The following USP38 variants were observed in gnomAD, a reference collection of about 807,000 sequenced individuals.
The protein encoded by USP38 is ubiquitin specific peptidase 38, also known as ubiquitin carboxyl-terminal hydrolase 38.
USP38 carries 49 observed loss-of-function variants against 94.3 expected under a neutral mutation model. The observed-to-expected ratio is 0.52, with a 90% CI of 0.41 to 0.66. USP38 has a LOEUF of 0.66. Ranked by LOEUF, USP38 falls within the 30% of genes least tolerant of loss-of-function variation. The probability of loss-of-function intolerance (pLI) is 0.00; values close to 1 mark genes in which losing one functional copy is unlikely to be tolerated. For missense variants in USP38, 1,128 were observed against 1,229.4 expected (o/e 0.92, Z 1.23); for synonymous variants, 468 against 463.6 (o/e 1.01, Z -0.12).
In USP38 at chr4:143,195,697, C is replaced by A. The variant is rs1731525120; in HGVS notation, c.819-19C>A. On this transcript the variant is annotated intron_variant, in intron 2 of 9. Transcript: ENST00000307017. ...AAAATATTTTCAATAATGATTGTTT[C>A]ATTTTCCTTCAATTTCAGAATGATT... The A allele has an allele frequency of 4.5e-6, 7 of 1,570,262 alleles. No individual in the cohort carries two copies. Among genetic ancestry groups the A allele is most frequent in the Admixed American group, 2.0e-5 (1 of 50,974 alleles).
chr4:143,206,461 G>T (rs922746483), intron 6 of USP38, among the ~76,000 whole-genome samples: 5 of 152,100 alleles, frequency 3.3e-5, no homozygotes, highest in Non-Finnish European at 7.4e-5. Flanking sequence ...AGGCCAAGAC[G>T]GGTGGATAGC....
At position 143,196,305 on chromosome 4, in the gene USP38, C is replaced by CA. The variant is rs1016395849; in HGVS notation, c.948+468dup. Reference sequence around the variant, plus strand: ...TGGATGACAGAGCAAGACTGCGTCTCAAAAAAAAGTATAAGTAATTAAAAT... The same window carrying CA: ...TGGATGACAGAGCAAGACTGCGTCTCAAAAAAAAAGTATAAGTAATTAAAAT... On this transcript the variant is annotated intron_variant, in intron 3 of 9. Coordinates refer to ENST00000307017, the MANE Select transcript of USP38 (RefSeq NM_032557.6). 2.4e-4 allele frequency among the ~76,000 whole-genome samples: 37 copies of CA among 151,434 alleles called. 1 individual carries two copies. The highest frequency in any genetic ancestry group is 3.6e-4 in the African/African-American group (15 of 41,254).
intron 3 of USP38, 73 bp downstream of exon 3, chr4:143,195,918 C>T: frequency 1.5e-6 from 2 of 1,328,888 alleles, no homozygotes; most frequent in Non-Finnish European, 1.0e-6. Flanking sequence ...TGGGTGGTAT[C>T]CTTGAAAGCA....
intron 6 of USP38, among the ~76,000 whole-genome samples, chr4:143,208,392 C>T (rs1462590020): frequency 6.6e-6 from 1 of 152,030 alleles, no homozygotes; most frequent in Non-Finnish European, 1.5e-5. Flanking sequence ...TTTTCCATAT[C>T]TTTGAATATC....
At chr4:143,194,731 C>T (rs981363931) in intron 2 of USP38, among the ~76,000 whole-genome samples, 2 of 152,198 alleles carry the variant, frequency 1.3e-5, no homozygotes, top group African/African-American at 4.8e-5. Flanking sequence ...TGGTCTCGAA[C>T]TTCTGACCTC....
chr4:143,205,050 G>A (rs188302122), intron 5 of USP38, among the ~76,000 whole-genome samples: 1 of 152,298 alleles, frequency 6.6e-6, no homozygotes, highest in East Asian at 1.9e-4. Context: ...GCATTGTGAA[G>A]TGGATTTGAT....
Position 143,214,268 on chromosome 4 carries a change from T to C in USP38, c.2292T>C (p.Thr764=), listed in dbSNP as rs1732119391. 1 of 1,613,166 alleles carries C rather than the reference T, an allele frequency of 6.2e-7. No homozygotes were observed. Among genetic ancestry groups the C allele is most frequent in the Non-Finnish European group, 8.5e-7 (1 of 1,179,692 alleles). ...AGGAACCTGAATACCTTATTCTTAC[T>C]CTCCTGAGATTTTCATATGATCAGA... ...ITEEPEYLIL[T]LLRFSYDQKY... is the part of the protein sequence containing the mutation. The change falls in exon 9 of 10, where the codon ACT becomes ACC. Residue 764 remains threonine (T), a synonymous_variant. Coordinates refer to ENST00000307017, the MANE Select transcript of USP38 (RefSeq NM_032557.6).
chr4:143,207,415 G>C (rs1010740546), intron 6 of USP38, among the ~76,000 whole-genome samples: 1 of 152,170 alleles, frequency 6.6e-6, no homozygotes, highest in African/African-American at 2.4e-5. Flanking sequence ...ATGTGTGCCT[G>C]TAATCCCAAC....
intron 2 of USP38, among the ~76,000 whole-genome samples, chr4:143,194,397 T>A (rs568633739): frequency 2.6e-5 from 4 of 152,366 alleles, no homozygotes; most frequent in African/African-American, 9.6e-5. Context: ...TTGAGCTTTT[T>A]AAACCAGTCA....
chr4:143,187,594 T>C (rs765754538), intron 1 of USP38, among the ~76,000 whole-genome samples: 1 of 152,206 alleles, frequency 6.6e-6, no homozygotes, highest in East Asian at 1.9e-4. Flanking sequence ...TATCAATATA[T>C]TTCAGTATTC....
intron 5 of USP38, among the ~76,000 whole-genome samples, 154 bp downstream of exon 5, chr4:143,203,720 C>T (rs962325316): frequency 6.6e-6 from 1 of 152,172 alleles, no homozygotes; most frequent in Admixed American, 6.5e-5. Context: ...GGAGTAACAG[C>T]TTTCTTGCTG....
intron 9 of USP38, among the ~76,000 whole-genome samples, chr4:143,216,591 G>A (rs574717156): frequency 7.2e-4 from 109 of 150,900 alleles, no homozygotes; most frequent in African/African-American, 2.6e-3. Context: ...TCCTGCCTCA[G>A]CCTCCTGAGT....
chr4:143,206,856 A>G (rs1033484213), intron 6 of USP38, among the ~76,000 whole-genome samples: 5 of 152,130 alleles, frequency 3.3e-5, no homozygotes, highest in South Asian at 2.1e-4. Context: ...GGGAAGTTAT[A>G]TATAATTTTA....
intron 9 of USP38, 177 bp downstream of exon 9, chr4:143,215,120 A>G: frequency 1.5e-6 from 1 of 650,216 alleles, no homozygotes; most frequent in African/African-American, 1.8e-5. Flanking sequence ...TATTGTGACA[A>G]TTTAAATGAA....
intron 5 of USP38, chr4:143,204,355 T>A: frequency 2.2e-6 from 1 of 454,132 alleles, no homozygotes. Context: ...TGTGGAGTTA[T>A]ACTGTGTTTC....
chr4:143,190,939 C>A (rs1207825612), intron 2 of USP38, among the ~76,000 whole-genome samples: 1 of 151,984 alleles, frequency 6.6e-6, no homozygotes, highest in Non-Finnish European at 1.5e-5. Flanking sequence ...GTTATAGTAC[C>A]CAATTTAGGA....
chr4:143,206,695 A>G (rs1003992134), intron 6 of USP38, among the ~76,000 whole-genome samples: 1 of 152,212 alleles, frequency 6.6e-6, no homozygotes, highest in Non-Finnish European at 1.5e-5. Flanking sequence ...GTCTCAAAAA[A>G]AGAAAAGTTA....
At chr4:143,218,908 G>T (rs1012780299) in intron 9 of USP38, among the ~76,000 whole-genome samples, 1 of 151,980 alleles carries the variant, frequency 6.6e-6, no homozygotes, top group African/African-American at 2.4e-5. Flanking sequence ...CTTTGGTTGG[G>T]GGGTTTCTGT....
intron 2 of USP38, among the ~76,000 whole-genome samples, chr4:143,194,695 A>G (rs1193442699): frequency 2.0e-5 from 3 of 152,064 alleles, no homozygotes; most frequent in Non-Finnish European, 4.4e-5. Context: ...TTTAGTGGAG[A>G]TGGGGTTTCA....
Sources: allele counts gnomAD v4.1 joint callset (sites outside exome capture counted in the v4.1 genomes callset), GRCh38; gene constraint gnomAD v4.1.1; transcripts MANE v1.5; gene names NCBI Gene and HGNC (gene_info 2026-07-23, HGNC 2026-07-21).